Variants in KCNH1 observed in about 807,000 individuals in gnomAD.
KCNH1 encodes the protein voltage-gated delayed rectifier potassium channel KCNH1.
In KCNH1, 27 loss-of-function variants were observed where a neutral mutation model predicts 69.2. The ratio of observed to expected loss-of-function variants is 0.39; its 90% CI spans 0.29 to 0.54. The LOEUF is 0.54. KCNH1 is among the 20% of genes least tolerant of loss of function. The pLI is 0.68. For missense variants in KCNH1, 798 were observed against 1,261.6 expected (o/e 0.63, Z 5.57); for synonymous variants, 456 against 487.7 (o/e 0.93, Z 0.86).
chr1:211,059,561 T>C (rs112141690), intron 5 of KCNH1, among the ~76,000 whole-genome samples: 7,323 of 151,996 alleles, frequency 0.048, 267 homozygotes, highest in Non-Finnish European at 0.07. Context: ...GTTAACACGG[T>C]GAAACTACGT....
At position 211,032,327 on chromosome 1, in the gene KCNH1, A is replaced by C. The variant is rs540589194; in HGVS notation, c.559-13071T>G. 2.0e-3 allele frequency among the ~76,000 whole-genome samples: 310 copies of C among 152,260 alleles called. 1 individual carries two copies. The highest frequency in any genetic ancestry group is 6.7e-3 in the African/African-American group (277 of 41,562). ...GGAAGAATCAATATCATGAAAATGGACACACTGCCCAAGGTAATTTATAGA... is the reference window on the plus strand; with the variant it reads ...GGAAGAATCAATATCATGAAAATGGCCACACTGCCCAAGGTAATTTATAGA... On this transcript the variant is annotated intron_variant, in intron 5 of 10. Transcript: ENST00000271751.
At chr1:210,887,868 A>AAT (rs1686651092) in intron 7 of KCNH1, among the ~76,000 whole-genome samples, 1 of 152,116 alleles carries the variant, frequency 6.6e-6, no homozygotes, top group Non-Finnish European at 1.5e-5. Context: ...AACTATCCTA[A>AAT]ATATATATAT....
chr1:210,988,609 A>C (rs79851204), intron 6 of KCNH1, among the ~76,000 whole-genome samples: 4,034 of 152,312 alleles, frequency 0.026, 99 homozygotes, highest in South Asian at 0.061. Context: ...AACATATTTG[A>C]AAGTATTGCC....
chr1:211,058,813 C>T (rs965585877), intron 5 of KCNH1, among the ~76,000 whole-genome samples: 2 of 152,052 alleles, frequency 1.3e-5, no homozygotes, highest in African/African-American at 4.8e-5. Flanking sequence ...TAAAAATAAA[C>T]AAGACTCAAA....
intron 10 of KCNH1, among the ~76,000 whole-genome samples, chr1:210,701,179 T>C (rs910069709): frequency 6.6e-6 from 1 of 152,066 alleles, no homozygotes; most frequent in Non-Finnish European, 1.5e-5. Flanking sequence ...CCTTGTGATC[T>C]GCCCGCCTCA....
chr1:210,955,623 T>G (rs936884439), intron 6 of KCNH1, among the ~76,000 whole-genome samples: 1 of 152,190 alleles, frequency 6.6e-6, no homozygotes, highest in African/African-American at 2.4e-5. Flanking sequence ...TTCACATCCC[T>G]TGTAAGATGG....
At chr1:210,952,718 G>C (rs966382432) in intron 6 of KCNH1, among the ~76,000 whole-genome samples, 1 of 151,924 alleles carries the variant, frequency 6.6e-6, no homozygotes, top group African/African-American at 2.4e-5. Flanking sequence ...AACCTGCCAA[G>C]TGTTCTTACT....
chr1:210,952,398 T>C (rs1688080637), intron 6 of KCNH1, among the ~76,000 whole-genome samples: 1 of 152,180 alleles, frequency 6.6e-6, no homozygotes, highest in African/African-American at 2.4e-5. Context: ...AGCAGAGATT[T>C]ATGGAGTCCT....
intron 6 of KCNH1, among the ~76,000 whole-genome samples, chr1:211,015,859 T>G (rs1362770185): frequency 2.0e-5 from 3 of 152,190 alleles, no homozygotes; most frequent in African/African-American, 7.2e-5. Context: ...CCACCAGAGT[T>G]GTTATGAAAG....
At chr1:211,120,426 C>T (rs1394429532) in intron 1 of KCNH1, among the ~76,000 whole-genome samples, 1 of 151,952 alleles carries the variant, frequency 6.6e-6, no homozygotes, top group Non-Finnish European at 1.5e-5. Flanking sequence ...CTGACCTCAG[C>T]TGATCCACCT....
intron 5 of KCNH1, among the ~76,000 whole-genome samples, chr1:211,024,087 G>A (rs965723457): frequency 9.9e-5 from 15 of 152,092 alleles, no homozygotes; most frequent in South Asian, 4.1e-4. Context: ...AATTAAAAAC[G>A]TTTAAATATA....
chr1:210,692,849 C>A (rs1681554643), intron 10 of KCNH1, among the ~76,000 whole-genome samples: 1 of 152,202 alleles, frequency 6.6e-6, no homozygotes, highest in East Asian at 1.9e-4. Flanking sequence ...TTATTTCAGA[C>A]CTCTGGCCTC....
intron 2 of KCNH1, 138 bp from the exon 3 acceptor site, chr1:211,103,740 C>T: frequency 1.7e-6 from 1 of 581,910 alleles, no homozygotes; most frequent in South Asian, 2.5e-5. Flanking sequence ...CAATCACTGA[C>T]TCAAAAAAAT....
intron 10 of KCNH1, among the ~76,000 whole-genome samples, chr1:210,759,115 T>A: frequency 6.7e-6 from 1 of 148,398 alleles, no homozygotes; most frequent in Admixed American, 6.7e-5. Flanking sequence ...AAAAAAGAAT[T>A]AAAAAATCAA....
At chr1:211,026,074 A>G (rs2102418924) in intron 5 of KCNH1, among the ~76,000 whole-genome samples, 1 of 152,200 alleles carries the variant, frequency 6.6e-6, no homozygotes, top group East Asian at 1.9e-4. Context: ...CGTTACTCCC[A>G]CGACCTGGTA....
intron 7 of KCNH1, among the ~76,000 whole-genome samples, chr1:210,904,936 A>AGGGGATGTGAG (rs1441691710): frequency 6.6e-6 from 1 of 152,166 alleles, no homozygotes; most frequent in African/African-American, 2.4e-5. Flanking sequence ...TGAGTAACTA[A>AGGGGATGTGAG]GGGGATGTGA....
At chr1:210,709,719 AAGAAG>A (rs2149016175) in intron 10 of KCNH1, among the ~76,000 whole-genome samples, 1 of 132,110 alleles carries the variant, frequency 7.6e-6, no homozygotes, top group South Asian at 2.9e-4. Context: ...GAAAGAAAGA[AAGAAG>A]AGAGAGAGAG....
At chr1:210,742,771 A>G (rs1352260776) in intron 10 of KCNH1, among the ~76,000 whole-genome samples, 1 of 152,214 alleles carries the variant, frequency 6.6e-6, no homozygotes, top group Non-Finnish European at 1.5e-5. Flanking sequence ...TGTCTAATGC[A>G]GAGCAAAAGG....
At chr1:210,878,191 T>C (rs1023444367) in intron 7 of KCNH1, among the ~76,000 whole-genome samples, 2 of 152,072 alleles carry the variant, frequency 1.3e-5, no homozygotes, top group East Asian at 3.9e-4. Flanking sequence ...GAATCTACTA[T>C]TACTGTTAGA....
Sources: gnomAD v4.1 joint callset for allele counts (sites outside exome capture counted in the v4.1 genomes callset) on GRCh38, gnomAD v4.1.1 for gene constraint, MANE v1.5 for transcripts, NCBI Gene and HGNC (gene_info 2026-07-23, HGNC 2026-07-21) for gene names.